NCOR2: variants seen among roughly 807,000 people sequenced by gnomAD.
NCOR2 encodes the protein CTG repeat protein 26.
Under a neutral mutation model 262.9 loss-of-function variants are expected in NCOR2, and 81 were observed. That is an observed-to-expected ratio of 0.31 (90% CI 0.26 to 0.37). The LOEUF (loss-of-function observed/expected upper bound fraction) is 0.37, where lower values mean the gene tolerates loss of function less well. Ranked by LOEUF, NCOR2 falls within the 10% of genes least tolerant of loss-of-function variation. NCOR2 has a pLI of 1.00. For missense variants in NCOR2, 3,385 were observed against 3,621.4 expected (o/e 0.93, Z 1.68); for synonymous variants, 1,659 against 1,559.3 (o/e 1.06, Z -1.51).
chr12:124,331,343 G>T (rs988523392), intron 43 of NCOR2: 1 of 167,450 alleles, frequency 6.0e-6, no homozygotes, highest in East Asian at 1.7e-4. Flanking sequence ...GATTACAGGC[G>T]TAAGCCACCG....
intron 1 of NCOR2, among the ~76,000 whole-genome samples, chr12:124,486,813 C>T (rs2047788886): frequency 6.6e-6 from 1 of 152,148 alleles, no homozygotes; most frequent in African/African-American, 2.4e-5. Flanking sequence ...ACACAGCATC[C>T]CAGGGACCCA....
At chr12:124,371,885 A>T in intron 20 of NCOR2, 137 bp downstream of exon 22, 1 of 872,204 alleles carries the variant, frequency 1.1e-6, no homozygotes, top group South Asian at 2.0e-5. Flanking sequence ...ACTCTACTCC[A>T]AGTCTGCCTC....
chr12:124,435,060 G>A (rs941127608), intron 8 of NCOR2, among the ~76,000 whole-genome samples: 9 of 152,210 alleles, frequency 5.9e-5, no homozygotes, highest in African/African-American at 2.2e-4. Flanking sequence ...GGCTCCTGCT[G>A]CTGGCCTGCC....
intron 13 of NCOR2, among the ~76,000 whole-genome samples, chr12:124,412,519 G>A (rs1374528935): frequency 6.6e-6 from 1 of 152,246 alleles, no homozygotes; most frequent in African/African-American, 2.4e-5. Context: ...TGTCAGGCGC[G>A]CTGACAATAA....
chr12:124,429,763 A>T, intron 9 of NCOR2, 57 bp from the exon 12 acceptor site: 1 of 1,482,778 alleles, frequency 6.7e-7, no homozygotes, highest in Non-Finnish European at 9.2e-7. Flanking sequence ...GGACACTAGC[A>T]GACCCCTGTG....
intron 41 of NCOR2, among the ~76,000 whole-genome samples, chr12:124,334,028 G>GTGTGTGCGCATGTGTGTGT (rs1593094229): frequency 6.6e-6 from 1 of 150,412 alleles, no homozygotes; most frequent in African/African-American, 2.4e-5. Context: ...GTGCATGTGT[G>GTGTGTGCGCATGTGTGTGT]GAAAGGCTGC....
intron 13 of NCOR2, among the ~76,000 whole-genome samples, chr12:124,406,056 G>T (rs1251169612): frequency 6.6e-6 from 1 of 152,200 alleles, no homozygotes; most frequent in Non-Finnish European, 1.5e-5. Context: ...TAAATTCCAG[G>T]TTATCCCGAT....
chr12:124,362,817 G>A (rs2038714874), intron 21 of NCOR2, among the ~76,000 whole-genome samples: 1 of 148,682 alleles, frequency 6.7e-6, no homozygotes, highest in African/African-American at 2.5e-5. Flanking sequence ...TGAACAGGGG[G>A]ACCCACCTCC....
chr12:124,388,869 G>C, intron 16 of NCOR2: 1 of 125,408 alleles, frequency 8.0e-6, no homozygotes, highest in South Asian at 4.2e-4. Context: ...CCACGGTGAG[G>C]GAGGGAGGGA....
At chr12:124,386,630 G>A (rs2040825675) in intron 16 of NCOR2, among the ~76,000 whole-genome samples, 2 of 152,214 alleles carry the variant, frequency 1.3e-5, no homozygotes, top group African/African-American at 4.8e-5. Flanking sequence ...AGACCCTCCA[G>A]GAATCGGCAG....
chr12:124,348,158 T>C lies in NCOR2; in HGVS notation c.3985+16A>G. The C allele has an allele frequency of 6.2e-7, 1 of 1,608,394 alleles. No individual in the cohort carries two copies. The highest frequency in any genetic ancestry group is 8.5e-7 in the Non-Finnish European group (1 of 1,179,968). On this transcript the variant is annotated intron_variant, in intron 29 of 46. Transcript: ENST00000405201. ...CCAGGGGGCACCGAGAGATGAAGTCTCCTCCCTGCTATCACCTTCGATGCT... is the reference window on the plus strand; with the variant it reads ...CCAGGGGGCACCGAGAGATGAAGTCCCCTCCCTGCTATCACCTTCGATGCT...
chr12:124,441,401 G>A (rs1232345753), intron 7 of NCOR2, among the ~76,000 whole-genome samples: 1 of 152,180 alleles, frequency 6.6e-6, no homozygotes, highest in Non-Finnish European at 1.5e-5. Flanking sequence ...ATCCCCACGA[G>A]TCCATGTGAT....
At chr12:124,485,563 G>C (rs865787901) in intron 2 of NCOR2, among the ~76,000 whole-genome samples, 1 of 152,226 alleles carries the variant, frequency 6.6e-6, no homozygotes, top group African/African-American at 2.4e-5. Context: ...TTTGTGGCAC[G>C]TTGCGACGGC....
At chr12:124,416,787 G>A (rs3825122) in intron 13 of NCOR2, among the ~76,000 whole-genome samples, 5 of 141,554 alleles carry the variant, frequency 3.5e-5, no homozygotes, top group Admixed American at 2.1e-4. Flanking sequence ...AGATAGACCC[G>A]TGGCACAGGG....
intron 44 of NCOR2, chr12:124,329,141 C>A (rs1190480727): frequency 2.1e-6 from 1 of 470,218 alleles, no homozygotes; most frequent in African/African-American, 2.0e-5. Context: ...TGGAAAATTT[C>A]TTCTTGTGGA....
chr12:124,508,230 C>T (rs980884638), intron 1 of NCOR2, among the ~76,000 whole-genome samples: 2 of 152,260 alleles, frequency 1.3e-5, no homozygotes, highest in Admixed American at 1.3e-4. Context: ...ATCCACTTTA[C>T]GTCAGCTCTG....
intron 1 of NCOR2, among the ~76,000 whole-genome samples, chr12:124,500,572 T>G (rs1300519914): frequency 6.6e-6 from 1 of 152,120 alleles, no homozygotes; most frequent in Non-Finnish European, 1.5e-5. Context: ...GCACACTGAA[T>G]GACTCTGCCC....
intron 18 of NCOR2, among the ~76,000 whole-genome samples, chr12:124,375,793 G>A (rs879334991): frequency 8.5e-5 from 13 of 152,198 alleles, no homozygotes; most frequent in Non-Finnish European, 1.3e-4. Flanking sequence ...TATTATTACT[G>A]GAGAAACCAC....
Position 124,344,566 on chromosome 12 carries a change from C to G in NCOR2, c.4714+31G>C, listed in dbSNP as rs545709897. On this transcript the variant is annotated intron_variant, in intron 32 of 46. Coordinates refer to ENST00000405201, the Ensembl canonical transcript of NCOR2. Reference sequence around the variant, plus strand: ...CACAGCTTCTCCAGACAGGCGCCCACCCCACTCACGCCCATGCACACCCCA... The same window carrying G: ...CACAGCTTCTCCAGACAGGCGCCCAGCCCACTCACGCCCATGCACACCCCA... 2.2e-5 allele frequency: 31 copies of G among 1,421,462 alleles called. No homozygotes were observed. The African/African-American group carries it at 4.3e-4, about 20-fold the overall frequency. 88.1% of individuals were successfully genotyped at this position (1,421,462 alleles called of 1,614,324 possible).
Sources: allele counts gnomAD v4.1 joint callset (sites outside exome capture counted in the v4.1 genomes callset), GRCh38; gene constraint gnomAD v4.1.1; transcripts MANE v1.5; gene names NCBI Gene and HGNC (gene_info 2026-07-23, HGNC 2026-07-21).